The following ABCA5 variants were observed in gnomAD, a reference collection of about 807,000 sequenced individuals.
The protein encoded by ABCA5 is ATP binding cassette subfamily A member 5, also known as cholesterol transporter ABCA5.
Under a neutral mutation model 206.0 loss-of-function variants are expected in ABCA5, and 163 were observed. That is an observed-to-expected ratio of 0.79 (90% CI 0.70 to 0.90). The LOEUF is 0.90. Ranked by LOEUF, ABCA5 falls within the 40% of genes least tolerant of loss-of-function variation. The pLI is 0.00. For synonymous variants in ABCA5, 609 were observed against 613.8 expected (o/e 0.99, Z 0.11); for missense variants, 1,859 against 1,912.9 (o/e 0.97, Z 0.53).
At chr17:69,250,158 TAC>T (rs1337717584) in intron 36 of ABCA5, among the ~76,000 whole-genome samples, 174 bp from the exon 37 acceptor site, 2 of 152,050 alleles carry the variant, frequency 1.3e-5, no homozygotes, top group Non-Finnish European at 1.5e-5. Context: ...CTCTCATTAC[TAC>T]TAAGAATGTT....
In ABCA5 at chr17:69,284,592, G is replaced by A. The variant is rs190362176; in HGVS notation, c.2273-520C>T. ...AAAAATAAAAAAGTAAACCTATTAC[G>A]GGTTAACACAATTTTATTTTTAAAA... On this transcript the variant is annotated intron_variant, in intron 17 of 38. Coordinates refer to ENST00000392676, the MANE Select transcript of ABCA5 (RefSeq NM_172232.4). Among the ~76,000 whole-genome samples the A allele has an allele frequency of 7.3e-3, 1,110 of 151,880 alleles. 7 individuals are homozygous for A. Among genetic ancestry groups the A allele is most frequent in the Middle Eastern group, 0.014 (4 of 294 alleles).
At chr17:69,255,455 A>G in intron 31 of ABCA5, 88 bp downstream of exon 31, 2 of 783,734 alleles carry the variant, frequency 2.6e-6, no homozygotes, top group East Asian at 6.3e-5. Context: ...TAAAAATTGA[A>G]TATAAAATCC....
chr17:69,309,170 C>T, intron 4 of ABCA5, 92 bp downstream of exon 4: 2 of 1,000,134 alleles, frequency 2.0e-6, no homozygotes, highest in Non-Finnish European at 1.4e-6. Flanking sequence ...TTGAAAATGC[C>T]AATATTGAAC....
intron 18 of ABCA5, among the ~76,000 whole-genome samples, chr17:69,281,874 T>G (rs1221727275): frequency 1.3e-5 from 2 of 152,216 alleles, no homozygotes; most frequent in Non-Finnish European, 2.9e-5. Context: ...ATGATTTTAA[T>G]CATCACCCAC....
intron 18 of ABCA5, among the ~76,000 whole-genome samples, chr17:69,283,101 C>A (rs1344686008): frequency 6.6e-6 from 1 of 151,430 alleles, no homozygotes; most frequent in South Asian, 2.1e-4. Flanking sequence ...ATTCTCCCAC[C>A]GCAGCCTCTA....
chr17:69,264,944 A>C (rs766392629), intron 23 of ABCA5, 39 bp from the exon 24 acceptor site: 14 of 1,307,884 alleles, frequency 1.1e-5, no homozygotes, highest in Non-Finnish European at 1.4e-5. Flanking sequence ...AATTTTAGAC[A>C]CTTTAGAAAC....
intron 24 of ABCA5, among the ~76,000 whole-genome samples, chr17:69,261,990 C>A (rs1227332302): frequency 1.3e-5 from 2 of 150,290 alleles, no homozygotes; most frequent in Non-Finnish European, 3.0e-5. Flanking sequence ...ATATACAGCA[C>A]TTTATTTTTT....
chr17:69,290,904 T>C (rs762901108), intron 12 of ABCA5, among the ~76,000 whole-genome samples: 1 of 152,142 alleles, frequency 6.6e-6, no homozygotes, highest in Non-Finnish European at 1.5e-5. Flanking sequence ...CCTCAAATAG[T>C]CTATAGTTCT....
At chr17:69,323,021 C>T (rs2075876387) in intron 1 of ABCA5, among the ~76,000 whole-genome samples, 1 of 152,180 alleles carries the variant, frequency 6.6e-6, no homozygotes, top group African/African-American at 2.4e-5. Flanking sequence ...TACTTCTCAT[C>T]CACCTAAGCA....
At position 69,261,640 on chromosome 17, in the gene ABCA5, AATAG is replaced by A; in HGVS notation, c.3420_3423del (p.Tyr1141LeufsTer13). ...TAATGTAAAATGTGACTTACCACAG[AATAG>A]ATAAATGACCAAAATTCTTTGGTAT... On this transcript the variant is annotated frameshift_variant, in exon 25 of 39. Coordinates refer to ENST00000392676, the MANE Select transcript of ABCA5 (RefSeq NM_172232.4). LOFTEE classifies it high-confidence loss of function. 1.5e-6 allele frequency: 2 copies of A among 1,308,616 alleles called. No individual in the cohort carries two copies. Among genetic ancestry groups the A allele is most frequent in the South Asian group, 1.4e-5 (1 of 73,388 alleles). 81.1% of individuals were successfully genotyped at this position (1,308,616 alleles called of 1,614,324 possible). A position where few individuals can be genotyped will look rare whatever the true frequency, so the allele number is the denominator to read the frequency against.
chr17:69,252,017 T>TTTTATATTC lies in ABCA5; in HGVS notation c.4416-152_4416-151insGAATATAAA. ...GCTATTACATCCTGCCCAACTATGA[T>TTTTATATTC]TTTTTTTTTTTTGAGACGGAGTCTC... On this transcript the variant is annotated intron_variant, in intron 34 of 38. Transcript: ENST00000392676. 7.0e-5 allele frequency: 11 copies of TTTTATATTC among 156,374 alleles called. 1 individual carries two copies. Among genetic ancestry groups the TTTTATATTC allele is most frequent in the South Asian group, 2.3e-4 (2 of 8,878 alleles). The allele number at this position is 156,374 out of a possible 1,614,324, so 9.7% of individuals were successfully genotyped here. A position where few individuals can be genotyped will look rare whatever the true frequency, so the allele number is the denominator to read the frequency against.
intron 9 of ABCA5, among the ~76,000 whole-genome samples, chr17:69,300,519 G>C (rs536217859): frequency 6.6e-6 from 1 of 152,274 alleles, no homozygotes; most frequent in East Asian, 1.9e-4. Context: ...ATTGCACCAT[G>C]CAATTTAGTA....
At chr17:69,253,533 T>A in intron 34 of ABCA5, 40 bp downstream of exon 34, 1 of 1,362,664 alleles carries the variant, frequency 7.3e-7, no homozygotes, top group South Asian at 1.2e-5. Context: ...ACTGTTCTAT[T>A]CTAAAGTATC....
At chr17:69,251,993 C>T (rs888410122) in intron 34 of ABCA5, 127 bp from the exon 35 acceptor site, 3 of 829,112 alleles carry the variant, frequency 3.6e-6, no homozygotes, top group African/African-American at 3.5e-5. Flanking sequence ...ATTGCTATGG[C>T]TATTACATCC....
rs1024576066 is a variant in ABCA5, at chr17:69,246,033, A to G, written c.*1504T>C. 2.6e-5 allele frequency: 4 copies of G among 152,042 alleles called. No homozygotes were observed. Among genetic ancestry groups the G allele is most frequent in the African/African-American group, 9.6e-5 (4 of 41,456 alleles). 9.4% of individuals were successfully genotyped at this position (152,042 alleles called of 1,614,324 possible). On this transcript the variant is annotated 3_prime_UTR_variant, in exon 39 of 39. Transcript: ENST00000392676. The stretch of plus-strand genomic sequence containing the variant: ...CCCTGGGTATTTATGTGAACATTAT[A>G]TATACTTTAGGAAAGTGTATAGCAA...
rs1376061390 is a variant in ABCA5 at position 69,252,496 on chromosome 17, T to A, written c.4416-630A>T. Among the ~76,000 whole-genome samples the A allele has an allele frequency of 2.0e-5, 3 of 152,114 alleles. No homozygotes were observed. The East Asian group carries it at 5.8e-4, about 29-fold the overall frequency. ...AATCATAAGAAAACCGTAACATGCA[T>A]CCAAACCAAACCTTACATTTTATAG... On this transcript the variant is annotated intron_variant, in intron 34 of 38. Transcript: ENST00000392676.
chr17:69,276,927 A>G (rs1029208122), intron 19 of ABCA5, among the ~76,000 whole-genome samples: 5 of 152,248 alleles, frequency 3.3e-5, no homozygotes, highest in Admixed American at 2.0e-4. Flanking sequence ...AAAGAAGAGC[A>G]TATAAATTTA....
At chr17:69,249,722 A>T in intron 37 of ABCA5, 183 bp downstream of exon 37, 2 of 690,118 alleles carry the variant, frequency 2.9e-6, no homozygotes. Flanking sequence ...TATCTGCCAT[A>T]GTTTCTAAAA....
chr17:69,323,887 AAAT>A (rs1429806028), intron 1 of ABCA5, among the ~76,000 whole-genome samples: 1 of 152,206 alleles, frequency 6.6e-6, no homozygotes, highest in African/African-American at 2.4e-5. Context: ...AAAGGTTGAA[AAAT>A]AATAATAATA....
Sources: gnomAD v4.1 joint callset for allele counts (sites outside exome capture counted in the v4.1 genomes callset) on GRCh38, gnomAD v4.1.1 for gene constraint, MANE v1.5 for transcripts, NCBI Gene and HGNC (gene_info 2026-07-23, HGNC 2026-07-21) for gene names.